PRKCQ: variants seen among roughly 807,000 people sequenced by gnomAD.
PRKCQ encodes the protein protein kinase C theta type.
In PRKCQ, 41 loss-of-function variants were observed where a neutral mutation model predicts 91.2. The observed-to-expected ratio is 0.45, with a 90% CI of 0.35 to 0.58. The LOEUF is 0.58. Among genes scored for constraint, PRKCQ ranks in the 20% least tolerant of loss-of-function variants. The pLI, the probability that PRKCQ is intolerant of heterozygous loss-of-function variation, is 0.00. For synonymous variants in PRKCQ, 307 were observed against 316.9 expected, an observed-to-expected ratio of 0.97 and a Z score of 0.33; for missense variants, 673 against 896.5, an observed-to-expected ratio of 0.75 and a Z score of 3.18.
In PRKCQ at chr10:6,497,023, G is replaced by A. The variant is rs1837657326; in HGVS notation, c.660+12C>T. 6.2e-7 allele frequency: 1 copy of A among 1,608,294 alleles called. No homozygotes were observed. The highest frequency in any genetic ancestry group is 1.1e-5 in the South Asian group (1 of 90,916). ...AAATCACTGCACGTCAAAGAGGAGTGTAAATACTCACCATGGTTTCTCGGC... is the reference window on the plus strand; with the variant it reads ...AAATCACTGCACGTCAAAGAGGAGTATAAATACTCACCATGGTTTCTCGGC... On this transcript the variant is annotated intron_variant, in intron 7 of 17. Transcript: ENST00000263125. This position sits in a 1 kb window ranked among gnomAD's most constrained non-coding sequence, Gnocchi z 4.5.
At chr10:6,523,321 C>T (rs1435943844) in intron 1 of PRKCQ, among the ~76,000 whole-genome samples, 1 of 152,056 alleles carries the variant, frequency 6.6e-6, no homozygotes, top group Admixed American at 6.6e-5. Context: ...CATGGTGGCA[C>T]ACACCTATAG....
rs902677054 is a variant in PRKCQ at position 6,485,914 on chromosome 10, C to G, written c.900+121G>C. ...TGGATATGAAAGCCAAGGGCAAGGC[C>G]GGTGCTCAGAAATACATCCCGGCAT... On this transcript the variant is annotated intron_variant, in intron 9 of 17. Transcript: ENST00000263125. 3 of 790,632 alleles carry G rather than the reference C, an allele frequency of 3.8e-6. No individual in the cohort carries two copies. The Admixed American group carries it at 6.8e-5, about 18-fold the overall frequency. The allele number at this position is 790,632 out of a possible 1,614,324, so 49.0% of individuals were successfully genotyped here. A position where few individuals can be genotyped will look rare whatever the true frequency, so the allele number is the denominator to read the frequency against.
At chr10:6,563,385 C>A in intron 1 of PRKCQ, among the ~76,000 whole-genome samples, 1 of 152,022 alleles carries the variant, frequency 6.6e-6, no homozygotes, top group Middle Eastern at 3.2e-3. Flanking sequence ...CAGGTCAGGG[C>A]TCTCCCCATG....
intron 14 of PRKCQ, among the ~76,000 whole-genome samples, 181 bp from the exon 15 acceptor site, chr10:6,456,993 C>T (rs1040838033): frequency 2.6e-5 from 4 of 152,136 alleles, no homozygotes; most frequent in Admixed American, 6.6e-5. Context: ...TGCAAGGGCA[C>T]GCTGGCTGCT....
chr10:6,470,271 A>G (rs969423704), intron 12 of PRKCQ, among the ~76,000 whole-genome samples: 1 of 150,642 alleles, frequency 6.6e-6, no homozygotes. Flanking sequence ...ACCCCAAGGG[A>G]TCCTCCCTAT....
intron 16 of PRKCQ, among the ~76,000 whole-genome samples, chr10:6,434,729 C>T (rs1053098945): frequency 6.6e-6 from 1 of 152,256 alleles, no homozygotes; most frequent in Non-Finnish European, 1.5e-5. Context: ...CAGCTCCAGG[C>T]TGCAGAGGAC....
intron 1 of PRKCQ, among the ~76,000 whole-genome samples, chr10:6,548,774 A>C (rs549869068): frequency 3.3e-5 from 5 of 151,434 alleles, no homozygotes; most frequent in African/African-American, 9.7e-5. Context: ...AGGAGATATA[A>C]CTAATGCTAA....
At chr10:6,524,750 T>TGAGGAGG (rs996017867) in intron 1 of PRKCQ, among the ~76,000 whole-genome samples, 4 of 152,078 alleles carry the variant, frequency 2.6e-5, no homozygotes, top group Admixed American at 6.6e-5. Context: ...GAAAAGTGGG[T>TGAGGAGG]GAGGAGGGAG....
chr10:6,559,579 G>A (rs1177338065), intron 1 of PRKCQ, among the ~76,000 whole-genome samples: 2 of 152,076 alleles, frequency 1.3e-5, no homozygotes, highest in African/African-American at 4.8e-5. Context: ...GGATGGTCTC[G>A]AACTCCTGAC....
the PRKCQ span, among the ~76,000 whole-genome samples, chr10:6,398,751 T>C: frequency 2.0e-5 from 3 of 151,986 alleles, no homozygotes; most frequent in Non-Finnish European, 4.4e-5. Context: ...TCTTTTTCTT[T>C]TTTTTTCTCT....
intron 11 of PRKCQ, among the ~76,000 whole-genome samples, chr10:6,479,561 C>A (rs1426622758): frequency 2.0e-5 from 3 of 151,942 alleles, no homozygotes; most frequent in Non-Finnish European, 4.4e-5. Flanking sequence ...GCACATAAAT[C>A]CTAGCTTTAC....
intron 1 of PRKCQ, among the ~76,000 whole-genome samples, chr10:6,579,428 G>C (rs561474961): frequency 6.6e-6 from 1 of 152,072 alleles, no homozygotes; most frequent in South Asian, 2.1e-4. Context: ...AGAAATGACC[G>C]GAGTCTCCCA....
At chr10:6,569,902 G>A (rs1372066970) in intron 1 of PRKCQ, among the ~76,000 whole-genome samples, 2 of 152,164 alleles carry the variant, frequency 1.3e-5, no homozygotes, top group Non-Finnish European at 2.9e-5. Flanking sequence ...GAATGGCAAG[G>A]ATCTGGGGCA....
intron 16 of PRKCQ, among the ~76,000 whole-genome samples, chr10:6,434,488 T>G (rs1221171875): frequency 1.3e-5 from 2 of 152,224 alleles, no homozygotes; most frequent in Non-Finnish European, 2.9e-5. Flanking sequence ...GTATATGTTC[T>G]GCCTTGCAGC....
At chr10:6,508,009 CAA>C (rs1466453137) in intron 3 of PRKCQ, among the ~76,000 whole-genome samples, 1 of 152,050 alleles carries the variant, frequency 6.6e-6, no homozygotes, top group African/African-American at 2.4e-5. Flanking sequence ...TTCTCTTTCA[CAA>C]AGAGAGATTG....
rs1206171211 is a variant in PRKCQ, at chr10:6,430,975, G to A, written c.1837-37C>T. The A allele has an allele frequency of 1.9e-6, 3 of 1,600,142 alleles. No homozygotes were observed. Among genetic ancestry groups the A allele is most frequent in the Non-Finnish European group, 1.7e-6 (2 of 1,172,912 alleles). ...CAGAGCAGGAGCCCTGAGGTCTCCA[G>A]GGATGACCCTTTTGCATCAGGAGGT... On this transcript the variant is annotated intron_variant, in intron 16 of 17. Transcript: ENST00000263125. This position sits in a 1 kb window ranked among gnomAD's most constrained non-coding sequence, Gnocchi z 4.7.
chr10:6,456,652 C>A (rs766794913), intron 15 of PRKCQ, 22 bp downstream of exon 15: 1 of 1,613,088 alleles, frequency 6.2e-7, no homozygotes, highest in South Asian at 1.1e-5. Context: ...GAGGTGGGAG[C>A]AGCCTGTCAC....
At chr10:6,516,964 C>A (rs758405748) in intron 1 of PRKCQ, among the ~76,000 whole-genome samples, 2 of 152,154 alleles carry the variant, frequency 1.3e-5, no homozygotes, top group African/African-American at 4.8e-5. Context: ...GCAGATTAAA[C>A]GGCCGTTTCA....
the PRKCQ span, among the ~76,000 whole-genome samples, chr10:6,409,589 CT>C: frequency 6.6e-6 from 1 of 152,356 alleles, no homozygotes; most frequent in East Asian, 1.9e-4. Flanking sequence ...GCCACTGCGC[CT>C]GGCCTCTTTT....
Sources: allele counts gnomAD v4.1 joint callset (sites outside exome capture counted in the v4.1 genomes callset), GRCh38; gene constraint gnomAD v4.1.1; non-coding constraint Gnocchi (gnomAD v3.1); transcripts MANE v1.5; gene names NCBI Gene and HGNC (gene_info 2026-07-23, HGNC 2026-07-21).